MEGF11: variants seen among roughly 807,000 people sequenced by gnomAD.
The protein encoded by MEGF11 is multiple EGF like domains 11.
In MEGF11, 126 loss-of-function variants were observed where a neutral mutation model predicts 146.6. The observed-to-expected ratio is 0.86, with a 90% CI of 0.74 to 1.00. MEGF11 has a LOEUF of 1.00. Among genes scored for constraint, MEGF11 ranks in the 50% least tolerant of loss-of-function variants. MEGF11 has a pLI of 0.00. For synonymous variants in MEGF11, 532 were observed against 583.4 expected (o/e 0.91, Z 1.27); for missense variants, 1,509 against 1,521.2 (o/e 0.99, Z 0.13).
intron 5 of MEGF11, among the ~76,000 whole-genome samples, chr15:66,034,056 C>G (rs1416027530): frequency 6.6e-6 from 1 of 152,250 alleles, no homozygotes; most frequent in Non-Finnish European, 1.5e-5. Context: ...TCCCAAAGTG[C>G]TGGGATTACA....
intron 1 of MEGF11, among the ~76,000 whole-genome samples, chr15:66,225,719 C>T (rs1258955928): frequency 1.3e-5 from 2 of 152,204 alleles, no homozygotes; most frequent in Non-Finnish European, 2.9e-5. Flanking sequence ...TGCACTCACA[C>T]ACACACGCAC....
chr15:66,095,168 G>C (rs1420748317), intron 4 of MEGF11, among the ~76,000 whole-genome samples: 1 of 152,244 alleles, frequency 6.6e-6, no homozygotes, highest in Non-Finnish European at 1.5e-5. Context: ...TGAGGTGGGA[G>C]GTTACAGCGG....
intron 1 of MEGF11, among the ~76,000 whole-genome samples, chr15:66,139,331 G>T (rs1220516142): frequency 6.6e-6 from 1 of 152,172 alleles, no homozygotes; most frequent in Non-Finnish European, 1.5e-5. Context: ...TTGGAAAATG[G>T]TACATAAGTC....
chr15:66,137,700 C>T (rs1427250340), intron 1 of MEGF11, among the ~76,000 whole-genome samples: 2 of 151,732 alleles, frequency 1.3e-5, no homozygotes. Context: ...ACCACAGGTT[C>T]ACACTACGAC....
intron 1 of MEGF11, among the ~76,000 whole-genome samples, chr15:66,215,517 G>A (rs2091561661): frequency 6.6e-6 from 1 of 152,188 alleles, no homozygotes; most frequent in South Asian, 2.1e-4. Flanking sequence ...TCTTGATGCA[G>A]AAATTGCATT....
chr15:66,209,331 C>T (rs1050339374), intron 1 of MEGF11, among the ~76,000 whole-genome samples: 1 of 151,330 alleles, frequency 6.6e-6, no homozygotes, highest in African/African-American at 2.4e-5. Context: ...GCCTGGGCGA[C>T]GGAGCAAGAC....
intron 5 of MEGF11, among the ~76,000 whole-genome samples, chr15:66,057,345 G>T (rs2084718240): frequency 1.3e-5 from 2 of 152,194 alleles, no homozygotes. Context: ...GAGACCCTAA[G>T]ATCAGGGCTG....
At chr15:66,042,473 C>G (rs1439618929) in intron 5 of MEGF11, among the ~76,000 whole-genome samples, 1 of 152,204 alleles carries the variant, frequency 6.6e-6, no homozygotes, top group Non-Finnish European at 1.5e-5. Context: ...AAGAAAGGTT[C>G]AGATAAACTT....
chr15:66,007,086 G>A (rs2082542613), intron 5 of MEGF11, among the ~76,000 whole-genome samples: 1 of 152,214 alleles, frequency 6.6e-6, no homozygotes, highest in Non-Finnish European at 1.5e-5. Flanking sequence ...CTGTTGACCT[G>A]CCTGGGGCTG....
intron 1 of MEGF11, among the ~76,000 whole-genome samples, chr15:66,184,803 T>C (rs1163657306): frequency 6.6e-6 from 1 of 151,630 alleles, no homozygotes; most frequent in African/African-American, 2.4e-5. Flanking sequence ...CCCCCTTCTC[T>C]TGTCTGGTGA....
intron 10 of MEGF11, among the ~76,000 whole-genome samples, chr15:65,933,145 TCCCCGAAGG>T (rs2079638611): frequency 6.6e-6 from 1 of 152,038 alleles, no homozygotes; most frequent in Non-Finnish European, 1.5e-5. Flanking sequence ...GTGGAGTCCT[TCCCCGAAGG>T]CCCCACGGTT....
intron 8 of MEGF11, among the ~76,000 whole-genome samples, chr15:65,969,809 G>T (rs1210357813): frequency 6.6e-6 from 1 of 152,112 alleles, no homozygotes; most frequent in East Asian, 1.9e-4. Context: ...GGCTGCCTCT[G>T]TACGGCCCTT....
chr15:65,965,146 G>C (rs747086777), intron 8 of MEGF11, 26 bp from the exon 9 acceptor site: 1 of 1,540,078 alleles, frequency 6.5e-7, no homozygotes, highest in Non-Finnish European at 8.8e-7. Context: ...GTGGGGCTGA[G>C]GCTGTGGGCC....
chr15:66,060,637 G>GC (rs948497749), intron 5 of MEGF11, among the ~76,000 whole-genome samples: 13 of 152,148 alleles, frequency 8.5e-5, no homozygotes, highest in African/African-American at 2.9e-4. Context: ...AAGGCACTTG[G>GC]CCCCCCCGCC....
intron 1 of MEGF11, among the ~76,000 whole-genome samples, chr15:66,251,439 GC>G (rs2092369416): frequency 6.6e-6 from 1 of 152,190 alleles, no homozygotes. Flanking sequence ...ACCTGATGGG[GC>G]TGAGCCCTGT....
At chr15:65,898,541 A>G (rs2078410231) in intron 25 of MEGF11, 187 bp downstream of exon 25, 3 of 985,334 alleles carry the variant, frequency 3.0e-6, no homozygotes, top group Non-Finnish European at 3.6e-6. Flanking sequence ...GAGTTGGTAC[A>G]ATAATTTGAC....
chr15:66,058,165 C>T (rs186188409), intron 5 of MEGF11, among the ~76,000 whole-genome samples: 65 of 152,052 alleles, frequency 4.3e-4, no homozygotes, highest in Admixed American at 2.8e-3. Context: ...AGATGGAAGC[C>T]GGGGCCATAT....
intron 5 of MEGF11, among the ~76,000 whole-genome samples, chr15:66,041,474 C>T (rs1416071375): frequency 1.3e-5 from 2 of 152,236 alleles, no homozygotes; most frequent in African/African-American, 2.4e-5. Context: ...CCCCCATGCA[C>T]GGAGGGTCGC....
chr15:66,023,597 AG>A (rs1489413425), intron 5 of MEGF11, among the ~76,000 whole-genome samples: 1 of 152,240 alleles, frequency 6.6e-6, no homozygotes, highest in Non-Finnish European at 1.5e-5. Flanking sequence ...AAAGACTCAC[AG>A]CCCCAGTTGC....
Sources: allele counts gnomAD v4.1 joint callset (sites outside exome capture counted in the v4.1 genomes callset), GRCh38; gene constraint gnomAD v4.1.1; transcripts MANE v1.5; gene names NCBI Gene and HGNC (gene_info 2026-07-23, HGNC 2026-07-21).